The following EIF2B2 variants were observed in gnomAD, a reference collection of about 807,000 sequenced individuals.
EIF2B2 encodes translation initiation factor eIF2B subunit beta.
A neutral mutation model predicts 34.7 loss-of-function variants in EIF2B2; 34 were observed. The observed-to-expected ratio is 0.98, with a 90% CI of 0.75 to 1.31. The LOEUF (loss-of-function observed/expected upper bound fraction) is 1.31, where lower values mean the gene tolerates loss of function less well. Among genes scored for constraint, EIF2B2 ranks in the 50% most tolerant of loss-of-function variants. EIF2B2 has a pLI of 0.00. For synonymous variants in EIF2B2, 155 were observed against 171.6 expected (o/e 0.90, Z 0.76); for missense variants, 361 against 447.7 (o/e 0.81, Z 1.75).
chr14:75,011,780 A>G lies in EIF2B2; in HGVS notation c.*2592A>G, dbSNP rs1238923719. 2.6e-5 allele frequency: 4 copies of G among 152,160 alleles called. No individual in the cohort carries two copies. Among genetic ancestry groups the G allele is most frequent in the Non-Finnish European group, 5.9e-5 (4 of 68,046 alleles). The allele number at this position is 152,160 out of a possible 1,614,324, so 9.4% of individuals were successfully genotyped here. On this transcript the variant is annotated 3_prime_UTR_variant, in exon 8 of 8. Coordinates refer to ENST00000266126, the MANE Select transcript of EIF2B2 (RefSeq NM_014239.4). ...TGTCTCCTCCAAAGGCACCAATTCT[A>G]ACAGCAATTCACTTGGGTACAATTG...
chr14:75,009,324 TTGCC>T lies in EIF2B2; in HGVS notation c.*142_*145del, dbSNP rs760892259. The T allele has an allele frequency of 3.1e-5, 33 of 1,073,130 alleles. 1 individual carries two copies. Among genetic ancestry groups the T allele is most frequent in the South Asian group, 2.7e-4 (21 of 78,486 alleles). 66.5% of individuals were successfully genotyped at this position (1,073,130 alleles called of 1,614,324 possible). A position where few individuals can be genotyped will look rare whatever the true frequency, so the allele number is the denominator to read the frequency against. On this transcript the variant is annotated 3_prime_UTR_variant, in exon 8 of 8. Transcript: ENST00000266126. ...CCTAAAAAAAAAATCCTTGATACTG[TTGCC>T]TGCCTTTTTAGTCACCCCGTAACAA...
In EIF2B2 at chr14:75,006,854, C is replaced by G. The variant is rs1433418877; in HGVS notation, c.831+140C>G. 8.0e-7 allele frequency: 1 copy of G among 1,243,690 alleles called. No individual in the cohort carries two copies. Among genetic ancestry groups the G allele is most frequent in the Admixed American group, 1.7e-5 (1 of 58,162 alleles). 77.0% of individuals were successfully genotyped at this position (1,243,690 alleles called of 1,614,324 possible). Reference sequence around the variant, plus strand: ...CTCAATGGATTACACCCAGTGGAGGCTGGAAAGAACCACAGAAGTCTTGAT... The same window carrying G: ...CTCAATGGATTACACCCAGTGGAGGGTGGAAAGAACCACAGAAGTCTTGAT... On this transcript the variant is annotated intron_variant, in intron 6 of 7. Coordinates refer to ENST00000266126, the MANE Select transcript of EIF2B2 (RefSeq NM_014239.4). This position sits in a 1 kb window ranked among gnomAD's most constrained non-coding sequence, Gnocchi z 4.1.
At position 75,006,376 on chromosome 14, in the gene EIF2B2, G is replaced by T. The variant is rs1889626328; in HGVS notation, c.694-201G>T. 2.8e-6 allele frequency: 2 copies of T among 721,708 alleles called. No individual in the cohort carries two copies. Among genetic ancestry groups the T allele is most frequent in the South Asian group, 1.9e-5 (1 of 53,088 alleles). 44.7% of individuals were successfully genotyped at this position (721,708 alleles called of 1,614,324 possible). A position where few individuals can be genotyped will look rare whatever the true frequency, so the allele number is the denominator to read the frequency against. ...AGAGCAGTAGGTTTTGCAGTTTCTT[G>T]TCCCATTTTACATTCATTCTTTCCT... On this transcript the variant is annotated intron_variant, in intron 5 of 7. Coordinates refer to ENST00000266126, the MANE Select transcript of EIF2B2 (RefSeq NM_014239.4). This position sits in a 1 kb window ranked among gnomAD's most constrained non-coding sequence, Gnocchi z 4.1.
chr14:75,008,911 A>G (rs915981637), intron 7 of EIF2B2, 120 bp from the exon 8 acceptor site: 3 of 1,357,504 alleles, frequency 2.2e-6, no homozygotes, highest in East Asian at 4.6e-5. Context: ...GCATTTTTCC[A>G]TAGCTTCCCG....
chr14:75,006,492 G>A lies in EIF2B2; in HGVS notation c.694-85G>A. 3 of 1,593,690 alleles carry A rather than the reference G, an allele frequency of 1.9e-6. No homozygotes were observed. Among genetic ancestry groups the A allele is most frequent in the African/African-American group, 1.3e-5 (1 of 74,814 alleles). ...GACCCCTCACGATACCAATTCTGAG[G>A]TCTAAGCATTTAGCTTTTTGTGGCC... On this transcript the variant is annotated intron_variant, in intron 5 of 7. Transcript: ENST00000266126. This position sits in a 1 kb window ranked among gnomAD's most constrained non-coding sequence, Gnocchi z 4.1.
At chr14:75,005,990 C>T (rs1027717962) in intron 5 of EIF2B2, 29 bp downstream of exon 5, 20 of 1,535,298 alleles carry the variant, frequency 1.3e-5, no homozygotes, top group Non-Finnish European at 1.8e-5. Flanking sequence ...ATGTTGAATT[C>T]ATGAAGATTA....
chr14:75,004,685 ATATATTTT>A (rs1889594416), intron 3 of EIF2B2, 44 bp from the exon 4 acceptor site: 1 of 129,988 alleles, frequency 7.7e-6, no homozygotes, highest in South Asian at 1.7e-4. Flanking sequence ...ATATATATAT[ATATATTTT>A]TTTTTTTTTT....
rs572493796 is a variant in EIF2B2, at chr14:75,004,328, G to A, written c.434-409G>A. Among the ~76,000 whole-genome samples the A allele has an allele frequency of 4.6e-5, 7 of 152,252 alleles. No homozygotes were observed. The East Asian group carries it at 1.4e-3, about 29-fold the overall frequency. ...TGTAAGGAGCTCTGTAGTGACAGAG[G>A]TGGTTCATAGGTAGGGGTACTTCTG... On this transcript the variant is annotated intron_variant, in intron 3 of 7. Coordinates refer to ENST00000266126, the MANE Select transcript of EIF2B2 (RefSeq NM_014239.4).
chr14:75,012,258 AAAAC>A lies in EIF2B2; in HGVS notation c.*3078_*3081del, dbSNP rs898355439. 5.1e-4 allele frequency: 77 copies of A among 152,278 alleles called. No homozygotes were observed. Among genetic ancestry groups the A allele is most frequent in the African/African-American group, 1.4e-3 (58 of 41,526 alleles). The allele number at this position is 152,278 out of a possible 1,614,324, so 9.4% of individuals were successfully genotyped here. A position where few individuals can be genotyped will look rare whatever the true frequency, so the allele number is the denominator to read the frequency against. ...CTGGCGGAACCGAGAAACTCGGAAA[AAAAC>A]AAACAAAAAAACAACTGTTGTAGCT... On this transcript the variant is annotated 3_prime_UTR_variant, in exon 8 of 8. Coordinates refer to ENST00000266126, the MANE Select transcript of EIF2B2 (RefSeq NM_014239.4).
chr14:75,007,844 G>A, intron 7 of EIF2B2, 56 bp downstream of exon 7: 1 of 1,561,592 alleles, frequency 6.4e-7, no homozygotes, highest in Non-Finnish European at 8.8e-7. Flanking sequence ...GGGTTTGTGT[G>A]TGCATGTGTT....
intron 7 of EIF2B2, 79 bp from the exon 8 acceptor site, chr14:75,008,952 G>T: frequency 1.3e-6 from 2 of 1,597,550 alleles, no homozygotes; most frequent in South Asian, 2.2e-5. Context: ...CTGCATTCTC[G>T]AGCCTGGAAT....
Position 75,006,205 on chromosome 14 carries a change from C to CTAAG in EIF2B2, c.693+245_693+248dup. 2 of 517,872 alleles carry CTAAG rather than the reference C, an allele frequency of 3.9e-6. No homozygotes were observed. The highest frequency in any genetic ancestry group is 6.9e-6 in the Non-Finnish European group (2 of 288,006). The allele number at this position is 517,872 out of a possible 1,614,324, so 32.1% of individuals were successfully genotyped here. The stretch of plus-strand genomic sequence containing the variant: ...GAAAAGAATGAAGTATTAAATAGAA[C>CTAAG]TAAGGCAAGAGTGTCAGTTTCTAGG... On this transcript the variant is annotated intron_variant, in intron 5 of 7. Transcript: ENST00000266126. This position sits in a 1 kb window ranked among gnomAD's most constrained non-coding sequence, Gnocchi z 4.1.
intron 7 of EIF2B2, chr14:75,008,471 GA>G (rs1386789994): frequency 5.3e-4 from 104 of 194,690 alleles, no homozygotes; most frequent in Non-Finnish European, 9.8e-4. Flanking sequence ...AACAATGAAT[GA>G]AAAAGATAAG....
chr14:75,004,965 G>A, intron 4 of EIF2B2, 65 bp downstream of exon 4: 1 of 1,550,742 alleles, frequency 6.4e-7, no homozygotes, highest in Non-Finnish European at 8.8e-7. Flanking sequence ...AACGAGAGAT[G>A]GGTAGGGCCA....
chr14:75,010,485 G>C lies in EIF2B2; in HGVS notation c.*1297G>C, dbSNP rs1349219387. 1 of 152,214 alleles carries C rather than the reference G, an allele frequency of 6.6e-6. No individual in the cohort carries two copies. Among genetic ancestry groups the C allele is most frequent in the African/African-American group, 2.4e-5 (1 of 41,458 alleles). 9.4% of individuals were successfully genotyped at this position (152,214 alleles called of 1,614,324 possible). On this transcript the variant is annotated 3_prime_UTR_variant, in exon 8 of 8. Coordinates refer to ENST00000266126, the MANE Select transcript of EIF2B2 (RefSeq NM_014239.4). ...AGGATGGCTGGAGGGGCAGTGTCTG[G>C]ATTGAAGGCATTTGGGCTGGTTCAC...
intron 4 of EIF2B2, 82 bp from the exon 5 acceptor site, chr14:75,005,784 C>A: frequency 9.4e-7 from 1 of 1,063,534 alleles, no homozygotes; most frequent in Non-Finnish European, 1.5e-6. Context: ...TCACACAATT[C>A]CCCAGATCCA....
At position 75,006,870 on chromosome 14, in the gene EIF2B2, A is replaced by G; in HGVS notation, c.831+156A>G. 1 of 1,122,038 alleles carries G rather than the reference A, an allele frequency of 8.9e-7. No homozygotes were observed. Among genetic ancestry groups the G allele is most frequent in the East Asian group, 2.4e-5 (1 of 42,424 alleles). The allele number at this position is 1,122,038 out of a possible 1,614,324, so 69.5% of individuals were successfully genotyped here. On this transcript the variant is annotated intron_variant, in intron 6 of 7. Transcript: ENST00000266126. This position sits in a 1 kb window ranked among gnomAD's most constrained non-coding sequence, Gnocchi z 4.1. ...CAGTGGAGGCTGGAAAGAACCACAG[A>G]AGTCTTGATTCAGTAAAACAGTTGA...
rs1252475180 is a variant in EIF2B2, at chr14:75,003,201, C to T, written c.163+48C>T. 10 of 1,613,210 alleles carry T rather than the reference C, an allele frequency of 6.2e-6. No individual in the cohort carries two copies. In the African/African-American group the frequency reaches 8.0e-5, roughly 13 times the overall value. ...GGCGAACCTGGCCCCTGTCTGTTCC[C>T]GATCCCAGGGCTGAAAATTTCCCAG... On this transcript the variant is annotated intron_variant, in intron 1 of 7. Coordinates refer to ENST00000266126, the MANE Select transcript of EIF2B2 (RefSeq NM_014239.4).
chr14:75,002,961 C>T lies in EIF2B2; in HGVS notation c.-30C>T, dbSNP rs746984359. ...GTGGTCTGGCAGGTGTGGATTCCGC[C>T]GGTGAAGGCTGAAGGCAGCTACCTT... On this transcript the variant is annotated 5_prime_UTR_variant, in exon 1 of 8. Coordinates refer to ENST00000266126, the MANE Select transcript of EIF2B2 (RefSeq NM_014239.4). 4 of 1,613,344 alleles carry T rather than the reference C, an allele frequency of 2.5e-6. No homozygotes were observed. The highest frequency in any genetic ancestry group is 2.2e-5 in the East Asian group (1 of 44,894).
Sources: gnomAD v4.1 joint callset for allele counts (sites outside exome capture counted in the v4.1 genomes callset) on GRCh38, gnomAD v4.1.1 for gene constraint, Gnocchi (gnomAD v3.1) non-coding constraint, MANE v1.5 for transcripts, NCBI Gene and HGNC (gene_info 2026-07-23, HGNC 2026-07-21) for gene names.